Variants in CDH22 observed in about 807,000 individuals in gnomAD.
CDH22 encodes the protein cadherin 22.
Under a neutral mutation model 58.4 loss-of-function variants are expected in CDH22, and 30 were observed. The observed-to-expected ratio is 0.51, with a 90% confidence interval of 0.38 to 0.70. The LOEUF is 0.70. Ranked by LOEUF, CDH22 falls within the 30% of genes least tolerant of loss-of-function variation. CDH22 has a pLI of 0.00. For missense variants in CDH22, 1,014 were observed against 1,233.9 expected (o/e 0.82, Z 2.67); for synonymous variants, 513 against 558.2 (o/e 0.92, Z 1.14).
intron 2 of CDH22, among the ~76,000 whole-genome samples, chr20:46,245,643 C>T (rs1242765677): frequency 6.6e-6 from 1 of 152,122 alleles, no homozygotes; most frequent in Admixed American, 6.6e-5. Flanking sequence ...GGGCACAGCA[C>T]CAAACATATT....
chr20:46,241,205 C>A lies in CDH22; in HGVS notation c.308G>T (p.Gly103Val). The A allele has an allele frequency of 6.2e-7, 1 of 1,613,760 alleles. No homozygotes were observed. Residue 103 changes from glycine to valine, a missense_variant, in exon 3 of 12, where the codon GGC becomes GTC. Transcript: ENST00000537909. The surrounding 1 kb of genome is among the most constrained non-coding windows in gnomAD (Gnocchi z 5.2). The stretch of plus-strand genomic sequence containing the variant: ...CAGGAAGATGGTCCCAGCACCCTCG[C>A]CTGAGATGGTGTACTTGATGGCCCC... The part of the protein sequence containing the change: ...GDGAIKYTIS[G>V]EGAGTIFLID...
rs1049710877 is a variant in CDH22, at chr20:46,300,222, G to T, written c.-400+8033C>A. Reference sequence around the variant, plus strand: ...GCAGGCCTTGGCAACCTCCTGGCCTGGGGGGTGGGCTGCCTCTCCCAGGAA... The same window carrying T: ...GCAGGCCTTGGCAACCTCCTGGCCTTGGGGGTGGGCTGCCTCTCCCAGGAA... On this transcript the variant is annotated intron_variant, in intron 1 of 11. Coordinates refer to ENST00000537909, the MANE Select transcript of CDH22 (RefSeq NM_021248.3). The surrounding 1 kb of genome is among the most constrained non-coding windows in gnomAD (Gnocchi z 4.4). Among the ~76,000 whole-genome samples the T allele has an allele frequency of 2.0e-5, 3 of 152,088 alleles. No individual in the cohort carries two copies. The highest frequency in any genetic ancestry group is 6.5e-5 in the Admixed American group (1 of 15,270).
chr20:46,293,153 G>A (rs938300864), intron 1 of CDH22, among the ~76,000 whole-genome samples: 26 of 152,132 alleles, frequency 1.7e-4, no homozygotes, highest in African/African-American at 5.6e-4. Context: ...CAGGGAAGGA[G>A]GCCAACCTCT....
chr20:46,305,927 G>GGTTCCAACCTCTAGGTATGATT (rs2086674283), intron 1 of CDH22, among the ~76,000 whole-genome samples: 1 of 152,202 alleles, frequency 6.6e-6, no homozygotes, highest in African/African-American at 2.4e-5. Context: ...GGGCTTTGGG[G>GGTTCCAACCTCTAGGTATGATT]GTTCCAACCT....
intron 8 of CDH22, among the ~76,000 whole-genome samples, chr20:46,191,761 G>A (rs1017114197): frequency 2.6e-5 from 4 of 152,158 alleles, no homozygotes; most frequent in Non-Finnish European, 1.5e-5. Context: ...GTCTTTAGCT[G>A]TCAGAATCCA....
At chr20:46,198,423 A>T (rs1034383304) in intron 8 of CDH22, among the ~76,000 whole-genome samples, 1 of 151,880 alleles carries the variant, frequency 6.6e-6, no homozygotes, top group Non-Finnish European at 1.5e-5. Context: ...AGCAGATTCC[A>T]CTGGCTCTAT....
rs1231312770 is a variant in CDH22, at chr20:46,216,968, G to A, written c.696C>T (p.Asp232=). ...AGCGCTCCTGGCTCTCGCGGTCAAG[G>A]TCAGGCACAGCCGTCCGGATTACGC... ...KTGVIRTAVP[D]LDRESQERYE... The change falls in exon 5 of 12, where the codon GAC becomes GAT. Residue 232 remains aspartate (D), a synonymous_variant. Coordinates refer to ENST00000537909, the MANE Select transcript of CDH22 (RefSeq NM_021248.3). The surrounding 1 kb of genome is among the most constrained non-coding windows in gnomAD (Gnocchi z 5.3). The A allele has an allele frequency of 3.7e-6, 6 of 1,600,836 alleles. No individual in the cohort carries two copies. The highest frequency in any genetic ancestry group is 1.1e-5 in the South Asian group (1 of 90,842).
chr20:46,200,445 ATTT>A (rs557626664), intron 7 of CDH22, among the ~76,000 whole-genome samples: 149 of 130,492 alleles, frequency 1.1e-3, no homozygotes, highest in African/African-American at 3.9e-3. Context: ...CGCCCAGCTA[ATTT>A]TTTTTTTTTT....
chr20:46,257,989 G>T lies in CDH22; in HGVS notation c.-399-6296C>A, dbSNP rs1262004563. 4.6e-5 allele frequency among the ~76,000 whole-genome samples: 7 copies of T among 152,162 alleles called. No homozygotes were observed. The East Asian group carries it at 1.3e-3, about 29-fold the overall frequency. On this transcript the variant is annotated intron_variant, in intron 1 of 11. Transcript: ENST00000537909. ...AACTGTGCCGAATGCTGCCATTGAG[G>T]GGTAAGTGTCTGTCCAACTTTGCCT...
At chr20:46,197,720 G>A (rs1000368594) in intron 8 of CDH22, among the ~76,000 whole-genome samples, 38 of 152,324 alleles carry the variant, frequency 2.5e-4, no homozygotes, top group African/African-American at 6.0e-4. Flanking sequence ...CCTTTCATGC[G>A]GTAGAGGAGT....
At chr20:46,301,342 A>C (rs6074088) in intron 1 of CDH22, among the ~76,000 whole-genome samples, 50,685 of 151,734 alleles carry the variant, frequency 0.33, 9,656 homozygotes, top group African/African-American at 0.53. Flanking sequence ...TTTTGTTACA[A>C]CCATTTTCTA....
intron 1 of CDH22, among the ~76,000 whole-genome samples, chr20:46,298,520 G>A (rs557692302): frequency 6.6e-6 from 1 of 152,106 alleles, no homozygotes; most frequent in African/African-American, 2.4e-5. Flanking sequence ...GGTAAATAAC[G>A]GGTTGGTGGA....
chr20:46,303,455 G>A (rs2086661168), intron 1 of CDH22, among the ~76,000 whole-genome samples: 1 of 152,212 alleles, frequency 6.6e-6, no homozygotes. Flanking sequence ...CCTGTCAGCT[G>A]GGATTCAGGC....
Position 46,282,242 on chromosome 20 carries a change from G to A in CDH22, c.-400+26013C>T, listed in dbSNP as rs564003314. On this transcript the variant is annotated intron_variant, in intron 1 of 11. Coordinates refer to ENST00000537909, the MANE Select transcript of CDH22 (RefSeq NM_021248.3). The stretch of plus-strand genomic sequence containing the variant: ...ATCCAGAGACAGAAATGAATACAAC[G>A]TGCCCAGGATACCCTGAGTTTGGCA... Among the ~76,000 whole-genome samples, 5 of 152,308 alleles carry A rather than the reference G, an allele frequency of 3.3e-5. 1 individual carries two copies. Among genetic ancestry groups the A allele is most frequent in the African/African-American group, 1.2e-4 (5 of 41,566 alleles).
At chr20:46,254,049 G>C (rs1177215902) in intron 1 of CDH22, among the ~76,000 whole-genome samples, 1 of 152,226 alleles carries the variant, frequency 6.6e-6, no homozygotes, top group Admixed American at 6.5e-5. Context: ...CAGGGAGACA[G>C]AACAGCGTTT....
rs560457388 is a variant in CDH22, at chr20:46,216,837, C to T, written c.827G>A (p.Arg276His). ...AAGGCCTCACTCACTCTGCGGGAAA[C>T]GGGGCGGGTTGTCATTGACGTCGGT... ...VVTDVNDNPP[R>H]FPQKMYQFSI... The change falls in exon 5 of 12, where the codon CGT becomes CAT. Residue 276 changes from arginine to histidine, a missense_variant. Physicochemically the swap from Arg to His is conservative, Grantham distance 29. This residue lies in a region of CDH22 where 806 missense variants were observed against 1,038.7 expected (regional missense o/e 0.78). Transcript: ENST00000537909. This position sits in a 1 kb window ranked among gnomAD's most constrained non-coding sequence, Gnocchi z 5.3. 2.8e-5 allele frequency: 44 copies of T among 1,597,428 alleles called. No individual in the cohort carries two copies. The highest frequency in any genetic ancestry group is 1.7e-4 in the Admixed American group (10 of 59,748).
At chr20:46,246,430 TA>T (rs1427824810) in intron 2 of CDH22, among the ~76,000 whole-genome samples, 3 of 152,180 alleles carry the variant, frequency 2.0e-5, no homozygotes, top group Non-Finnish European at 4.4e-5. Context: ...TATCTTTTTT[TA>T]AAAAATTAAA....
At chr20:46,188,862 G>A (rs1222938276) in intron 8 of CDH22, among the ~76,000 whole-genome samples, 3 of 152,144 alleles carry the variant, frequency 2.0e-5, no homozygotes, top group East Asian at 3.9e-4. Flanking sequence ...TCCTGGAGGA[G>A]GAAACCACAC....
chr20:46,188,070 G>A (rs1265284896), intron 8 of CDH22, among the ~76,000 whole-genome samples: 1 of 152,136 alleles, frequency 6.6e-6, no homozygotes, highest in African/African-American at 2.4e-5. Context: ...TTATCTCTGG[G>A]CTACCAGCAT....
Sources: allele counts gnomAD v4.1 joint callset (sites outside exome capture counted in the v4.1 genomes callset), GRCh38; gene constraint gnomAD v4.1.1; regional missense constraint gnomAD v4.1.1; non-coding constraint Gnocchi (gnomAD v3.1); transcripts MANE v1.5; gene names NCBI Gene and HGNC (gene_info 2026-07-23, HGNC 2026-07-21).